The following GOLGA2 variants were observed in gnomAD, a reference collection of about 807,000 sequenced individuals.
GOLGA2 encodes the protein golgin A2, also known as golgin subfamily A member 2.
Under a neutral mutation model 148.8 loss-of-function variants are expected in GOLGA2, and 49 were observed. The observed-to-expected ratio is 0.33, with a 90% confidence interval of 0.26 to 0.42. The LOEUF is 0.42. Ranked by LOEUF, GOLGA2 falls within the 10% of genes least tolerant of loss-of-function variation. The pLI is 1.00. For missense variants in GOLGA2, 1,178 were observed against 1,304.6 expected, an observed-to-expected ratio of 0.90 and a Z score of 1.49; for synonymous variants, 501 against 511.8, an observed-to-expected ratio of 0.98 and a Z score of 0.28.
rs1190706381 is a variant in GOLGA2, at chr9:128,261,810, A to T, written c.1135-53T>A. The T allele has an allele frequency of 8.5e-7, 1 of 1,173,038 alleles. No individual in the cohort carries two copies. The highest frequency in any genetic ancestry group is 1.5e-5 in the African/African-American group (1 of 66,752). The allele number at this position is 1,173,038 out of a possible 1,614,324, so 72.7% of individuals were successfully genotyped here. On this transcript the variant is annotated intron_variant, in intron 14 of 26. Coordinates refer to ENST00000611957, the MANE Select transcript of GOLGA2 (RefSeq NM_001366244.2). This position sits in a 1 kb window ranked among gnomAD's most constrained non-coding sequence, Gnocchi z 5.7. ...ATCTGGGGAGCCCAGGCCGTTCCAAATAGTGCCCCTTAAAAGGGCTAGGGC... is the reference window on the plus strand; with the variant it reads ...ATCTGGGGAGCCCAGGCCGTTCCAATTAGTGCCCCTTAAAAGGGCTAGGGC...
At chr9:128,267,368 A>G (rs1411829634) in intron 7 of GOLGA2, 90 bp downstream of exon 7, 1 of 1,429,586 alleles carries the variant, frequency 7.0e-7, no homozygotes, top group African/African-American at 1.4e-5. Flanking sequence ...GGGCTGTCTC[A>G]GCTGGCAGAG....
In GOLGA2 at chr9:128,266,236, G is replaced by GC. The variant is rs1334077077; in HGVS notation, c.681+50dup. The GC allele has an allele frequency of 3.3e-6, 5 of 1,520,714 alleles. No homozygotes were observed. The highest frequency in any genetic ancestry group is 4.6e-6 in the Non-Finnish European group (5 of 1,095,598). The allele number at this position is 1,520,714 out of a possible 1,614,324, so 94.2% of individuals were successfully genotyped here. On this transcript the variant is annotated intron_variant, in intron 9 of 26. Coordinates refer to ENST00000611957, the MANE Select transcript of GOLGA2 (RefSeq NM_001366244.2). The surrounding 1 kb of genome is among the most constrained non-coding windows in gnomAD (Gnocchi z 4.2). ...GAGACTGAGGCCTCTACATTTGAAT[G>GC]CCCCCCAAACCCAGCAGTCATGTTG... is the stretch of plus-strand genomic sequence containing the variant.
Position 128,261,388 on chromosome 9 carries a change from G to A in GOLGA2, c.1332+66C>T, listed in dbSNP as rs1588481027. The A allele has an allele frequency of 1.3e-5, 16 of 1,230,936 alleles. No individual in the cohort carries two copies. The highest frequency in any genetic ancestry group is 4.6e-5 in the East Asian group (2 of 43,084). 76.3% of individuals were successfully genotyped at this position (1,230,936 alleles called of 1,614,324 possible). A position where few individuals can be genotyped will look rare whatever the true frequency, so the allele number is the denominator to read the frequency against. On this transcript the variant is annotated intron_variant, in intron 16 of 26. Coordinates refer to ENST00000611957, the MANE Select transcript of GOLGA2 (RefSeq NM_001366244.2). The surrounding 1 kb of genome is among the most constrained non-coding windows in gnomAD (Gnocchi z 5.7). ...CCTCTGGCTGTGCTCCTCCCATTTC[G>A]CAGATGCCCAGAAAGATCAAGTGAC...
chr9:128,257,586 T>C lies in GOLGA2; in HGVS notation c.2718+15A>G. ...CCGTGCCCACCTCCACCCCCAGAGA[T>C]GTTCCACACCCTACCTTCATCTCCT... On this transcript the variant is annotated intron_variant, in intron 25 of 26. Transcript: ENST00000611957. The surrounding 1 kb of genome is among the most constrained non-coding windows in gnomAD (Gnocchi z 8.0). 2 of 1,614,086 alleles carry C rather than the reference T, an allele frequency of 1.2e-6. No individual in the cohort carries two copies. Among genetic ancestry groups the C allele is most frequent in the Non-Finnish European group, 8.5e-7 (1 of 1,179,974 alleles).
chr9:128,263,503 C>A (rs1413562480), intron 12 of GOLGA2, among the ~76,000 whole-genome samples: 1 of 151,960 alleles, frequency 6.6e-6, no homozygotes, highest in Non-Finnish European at 1.5e-5. Flanking sequence ...CTGCAAGCTC[C>A]GCCTCCCGGG....
chr9:128,265,461 C>G, intron 12 of GOLGA2, 124 bp downstream of exon 12: 1 of 791,238 alleles, frequency 1.3e-6, no homozygotes, highest in Non-Finnish European at 2.2e-6. Flanking sequence ...CACACAAAAG[C>G]AGTGATAAAT....
chr9:128,270,328 C>T (rs1830861319), intron 3 of GOLGA2, among the ~76,000 whole-genome samples: 2 of 151,952 alleles, frequency 1.3e-5, no homozygotes, highest in South Asian at 4.2e-4. Context: ...GATGGGGTTT[C>T]ACCATGTTGG....
At position 128,258,786 on chromosome 9, in the gene GOLGA2, T is replaced by C; in HGVS notation, c.2174-216A>G. The C allele has an allele frequency of 8.1e-6, 5 of 617,034 alleles. No homozygotes were observed. Among genetic ancestry groups the C allele is most frequent in the Non-Finnish European group, 1.1e-5 (4 of 350,774 alleles). 38.2% of individuals were successfully genotyped at this position (617,034 alleles called of 1,614,324 possible). ...ACCGATCAGCATGGGAGTTCTGACC[T>C]GCTTCATTTCTGACCTGGGCCAGTT... On this transcript the variant is annotated intron_variant, in intron 21 of 26. Coordinates refer to ENST00000611957, the MANE Select transcript of GOLGA2 (RefSeq NM_001366244.2). This position sits in a 1 kb window ranked among gnomAD's most constrained non-coding sequence, Gnocchi z 6.6.
Position 128,258,559 on chromosome 9 carries a change from C to T in GOLGA2, c.2185G>A (p.Asp729Asn). Residue 729 changes from aspartate (D) to asparagine (N), a missense_variant, in exon 22 of 27, where the codon GAC (aspartate) becomes AAC (asparagine). This residue lies in a region of GOLGA2 where 529 missense variants were observed against 521.8 expected (regional missense o/e 1.01). Coordinates refer to ENST00000611957, the MANE Select transcript of GOLGA2 (RefSeq NM_001366244.2). The surrounding 1 kb of genome is among the most constrained non-coding windows in gnomAD (Gnocchi z 6.6). ...TCCTCATCCTCCTCCTCCTCCCGGTCCAGTCCATCTCCTATGGGGGTGGCC... is the reference window on the plus strand; with the variant it reads ...TCCTCATCCTCCTCCTCCTCCCGGTTCAGTCCATCTCCTATGGGGGTGGCC... ...MAHPGEGDGL[D>N]REEEEDEEEE... 6.4e-7 allele frequency: 1 copy of T among 1,566,546 alleles called. No individual in the cohort carries two copies. The highest frequency in any genetic ancestry group is 1.9e-5 in the Admixed American group (1 of 51,956).
intron 19 of GOLGA2, 27 bp from the exon 20 acceptor site, chr9:128,259,418 C>T: frequency 7.0e-7 from 1 of 1,436,326 alleles, no homozygotes; most frequent in Non-Finnish European, 9.6e-7. Flanking sequence ...GGCGTGAGGG[C>T]AGGTGGTGGC....
intron 3 of GOLGA2, 89 bp from the exon 4 acceptor site, chr9:128,268,613 G>T: frequency 2.8e-6 from 2 of 705,668 alleles, no homozygotes; most frequent in Admixed American, 2.0e-5. Context: ...AGGTAGGACA[G>T]GTGTTGCTGC....
At chr9:128,274,538 G>A (rs373528733) in intron 1 of GOLGA2, among the ~76,000 whole-genome samples, 15 of 152,116 alleles carry the variant, frequency 9.9e-5, no homozygotes, top group African/African-American at 3.4e-4. Context: ...AATGTGGGCC[G>A]GAACATTAAG....
At position 128,266,369 on chromosome 9, in the gene GOLGA2, C is replaced by G. The variant is rs746749923; in HGVS notation, c.643-44G>C. 6.4e-7 allele frequency: 1 copy of G among 1,559,864 alleles called. No homozygotes were observed. The highest frequency in any genetic ancestry group is 2.2e-5 in the East Asian group (1 of 44,654). The stretch of plus-strand genomic sequence containing the variant: ...GGAAGGTGACTGAGGGTGGCCCCCT[C>G]AACTCTATTCCCCAGACCAGGAACG... On this transcript the variant is annotated intron_variant, in intron 8 of 26. Transcript: ENST00000611957. This position sits in a 1 kb window ranked among gnomAD's most constrained non-coding sequence, Gnocchi z 4.2.
At position 128,257,915 on chromosome 9, in the gene GOLGA2, A is replaced by G. The variant is rs1246177221; in HGVS notation, c.2509-23T>C. The G allele has an allele frequency of 1.2e-6, 2 of 1,611,872 alleles. No homozygotes were observed. The highest frequency in any genetic ancestry group is 2.2e-5 in the South Asian group (2 of 91,044). On this transcript the variant is annotated intron_variant, in intron 23 of 26. Transcript: ENST00000611957. The surrounding 1 kb of genome is among the most constrained non-coding windows in gnomAD (Gnocchi z 8.0). ...GCTCTGGAACCAAAATAATGGAGTCATATATCGGCAGCGACCTGCCCCGCC... is the reference window on the plus strand; with the variant it reads ...GCTCTGGAACCAAAATAATGGAGTCGTATATCGGCAGCGACCTGCCCCGCC...
Position 128,266,296 on chromosome 9 carries a change from C to T in GOLGA2, c.672G>A (p.Gln224=). Residue 224 remains glutamine (Q), a synonymous_variant, in exon 9 of 27, where the codon CAG becomes CAA. Transcript: ENST00000611957. This position sits in a 1 kb window ranked among gnomAD's most constrained non-coding sequence, Gnocchi z 4.2. The part of the protein sequence containing the change: ...LKQQNQEITD[Q]LEEEKKECHQ... Reference sequence around the variant, plus strand: ...AAAGAAATCACGTTACTTCTTCCAACTGATCCGTAATTTCTTGGTTCTGTT... The same window carrying T: ...AAAGAAATCACGTTACTTCTTCCAATTGATCCGTAATTTCTTGGTTCTGTT... 2 of 1,613,030 alleles carry T rather than the reference C, an allele frequency of 1.2e-6. No individual in the cohort carries two copies. The highest frequency in any genetic ancestry group is 1.7e-6 in the Non-Finnish European group (2 of 1,179,170).
Position 128,258,233 on chromosome 9 carries a change from T to C in GOLGA2, c.2290-35A>G, listed in dbSNP as rs749144673. 2.7e-6 allele frequency: 4 copies of C among 1,491,162 alleles called. No homozygotes were observed. The highest frequency in any genetic ancestry group is 1.9e-5 in the Admixed American group (1 of 51,868). 92.4% of individuals were successfully genotyped at this position (1,491,162 alleles called of 1,614,324 possible). A position where few individuals can be genotyped will look rare whatever the true frequency, so the allele number is the denominator to read the frequency against. ...AGAGGGGTGCATTCTTGTAGGAGGA[T>C]ATATAGGATGAACAGGGCAGGGAGG... On this transcript the variant is annotated intron_variant, in intron 22 of 26. Transcript: ENST00000611957. The surrounding 1 kb of genome is among the most constrained non-coding windows in gnomAD (Gnocchi z 6.6).
Position 128,257,395 on chromosome 9 carries a change from T to G in GOLGA2, c.2849A>C (p.Glu950Ala). The G allele has an allele frequency of 1.2e-6, 2 of 1,613,014 alleles. No individual in the cohort carries two copies. The highest frequency in any genetic ancestry group is 1.7e-6 in the Non-Finnish European group (2 of 1,179,976). The change falls in exon 26 of 27, where the codon GAA (glutamate) becomes GCA (alanine). Residue 950 changes from glutamate (E) to alanine (A), a missense_variant. Glu to Ala is a moderately radical substitution (Grantham distance 107, BLOSUM62 -1). Transcript: ENST00000611957. The surrounding 1 kb of genome is among the most constrained non-coding windows in gnomAD (Gnocchi z 8.0). ...ACCCTGCTGGTTGGCAGCCCCAAGT[T>G]CCTGGGGGGCTGGGGCCCCTGAAGT... is the stretch of plus-strand genomic sequence containing the variant. ...EPTSGAPAPQ[E>A]LGAANQQGDL...
intron 11 of GOLGA2, 22 bp from the exon 12 acceptor site, chr9:128,265,713 T>A: frequency 6.2e-7 from 1 of 1,612,584 alleles, no homozygotes; most frequent in Non-Finnish European, 8.5e-7. Flanking sequence ...GAGGTTGAGA[T>A]GGGGCCCAAA....
rs1830227719 is a variant in GOLGA2 at position 128,260,828 on chromosome 9, G to T, written c.1421-26C>A. On this transcript the variant is annotated intron_variant, in intron 17 of 26. Transcript: ENST00000611957. The surrounding 1 kb of genome is among the most constrained non-coding windows in gnomAD (Gnocchi z 4.8). Reference sequence around the variant, plus strand: ...CTGAGAAAGGACGCAGACAATAAAAGCCTCTGGATTCTCAAAAAAACCCTC... The same window carrying T: ...CTGAGAAAGGACGCAGACAATAAAATCCTCTGGATTCTCAAAAAAACCCTC... The T allele has an allele frequency of 1.3e-6, 2 of 1,487,250 alleles. No homozygotes were observed. The highest frequency in any genetic ancestry group is 2.0e-5 in the Admixed American group (1 of 50,550). 92.1% of individuals were successfully genotyped at this position (1,487,250 alleles called of 1,614,324 possible).
Sources: allele counts gnomAD v4.1 joint callset (sites outside exome capture counted in the v4.1 genomes callset), GRCh38; gene constraint gnomAD v4.1.1; regional missense constraint gnomAD v4.1.1; non-coding constraint Gnocchi (gnomAD v3.1); transcripts MANE v1.5; gene names NCBI Gene and HGNC (gene_info 2026-07-23, HGNC 2026-07-21).